The following SORBS2 variants were observed in gnomAD, a reference collection of about 807,000 sequenced individuals.
SORBS2 encodes the protein sorbin and SH3 domain-containing protein 2.
In SORBS2, 46 loss-of-function variants were observed where a neutral mutation model predicts 97.7. That is an observed-to-expected ratio of 0.47 (90% CI 0.37 to 0.60). The LOEUF is 0.60. SORBS2 is among the 20% of genes least tolerant of loss of function. SORBS2 has a pLI of 0.00. For synonymous variants in SORBS2, 476 were observed against 473.4 expected (o/e 1.01, Z -0.07); for missense variants, 1,316 against 1,282.3 (o/e 1.03, Z -0.40).
intron 1 of SORBS2, among the ~76,000 whole-genome samples, chr4:185,897,399 A>G (rs1207825656): frequency 2.0e-5 from 3 of 152,186 alleles, no homozygotes; most frequent in African/African-American, 7.2e-5. Flanking sequence ...TATTCGCATT[A>G]GACCACACCC....
At chr4:185,947,346 AT>A (rs2099275007) in intron 1 of SORBS2, among the ~76,000 whole-genome samples, 1 of 152,090 alleles carries the variant, frequency 6.6e-6, no homozygotes, top group Non-Finnish European at 1.5e-5. Context: ...TGGGCTTTGC[AT>A]TTCTTGATTT....
intron 1 of SORBS2, among the ~76,000 whole-genome samples, chr4:185,848,933 T>A (rs6833975): frequency 1.3e-5 from 2 of 151,930 alleles, no homozygotes; most frequent in African/African-American, 4.8e-5. Context: ...ATATCTCTTG[T>A]AGCCCTTTCA....
In SORBS2 at chr4:185,595,294, A is replaced by T. The variant is rs372359688; in HGVS notation, c.2797-1359T>A. Among the ~76,000 whole-genome samples the T allele has an allele frequency of 1.1e-3, 163 of 152,352 alleles. No individual in the cohort carries two copies. The South Asian group carries it at 0.027, about 25-fold the overall frequency. ...AACTAGAGTGCGTAAGAATTACTGCACACAATTATGACTTAAGAGTGAAAT... is the reference window on the plus strand; with the variant it reads ...AACTAGAGTGCGTAAGAATTACTGCTCACAATTATGACTTAAGAGTGAAAT... On this transcript the variant is annotated intron_variant, in intron 12 of 14. Coordinates refer to ENST00000418609, the Ensembl canonical transcript of SORBS2.
intron 4 of SORBS2, among the ~76,000 whole-genome samples, chr4:185,642,844 G>A (rs929440853): frequency 5.9e-5 from 9 of 152,212 alleles, no homozygotes; most frequent in African/African-American, 2.2e-4. Flanking sequence ...TAATAGCAGT[G>A]TGTCAAACCC....
At chr4:185,875,633 G>A (rs923582149) in intron 1 of SORBS2, among the ~76,000 whole-genome samples, 1 of 152,232 alleles carries the variant, frequency 6.6e-6, no homozygotes, top group Non-Finnish European at 1.5e-5. Flanking sequence ...GATGTGAAGA[G>A]AATAAATATG....
Position 185,702,781 on chromosome 4 carries a change from T to C in SORBS2, c.-197-23959A>G, listed in dbSNP as rs144954576. Among the ~76,000 whole-genome samples, 369 of 152,260 alleles carry C rather than the reference T, an allele frequency of 2.4e-3. 3 individuals are homozygous for C. The highest frequency in any genetic ancestry group is 8.6e-3 in the African/African-American group (356 of 41,546). ...TTTAAAGTTTATAACATGAAAGACT[T>C]GATTTAAAATATAAAAGCACATAAG... is the stretch of plus-strand genomic sequence containing the variant. On this transcript the variant is annotated intron_variant, in intron 2 of 20. Transcript: ENST00000284776.
chr4:185,795,084 A>G (rs1584958807), intron 1 of SORBS2, among the ~76,000 whole-genome samples: 1 of 152,258 alleles, frequency 6.6e-6, no homozygotes, highest in African/African-American at 2.4e-5. Flanking sequence ...GAGCATGTGC[A>G]CCTGACCCTG....
chr4:185,624,776 C>T (rs938053133), intron 6 of SORBS2, among the ~76,000 whole-genome samples: 7 of 152,334 alleles, frequency 4.6e-5, no homozygotes, highest in East Asian at 1.9e-4. Flanking sequence ...TACACCTACT[C>T]CTACTGCATA....
At chr4:185,747,104 G>A (rs1489789377) in intron 2 of SORBS2, among the ~76,000 whole-genome samples, 1 of 152,082 alleles carries the variant, frequency 6.6e-6, no homozygotes, top group African/African-American at 2.4e-5. Context: ...GAGGAAATTT[G>A]GACACACAAA....
intron 1 of SORBS2, among the ~76,000 whole-genome samples, chr4:185,783,698 A>G (rs2153637579): frequency 6.6e-6 from 1 of 152,318 alleles, no homozygotes; most frequent in East Asian, 1.9e-4. Flanking sequence ...ATGAGAGGGA[A>G]TATCCTGCCC....
chr4:185,653,778 T>C (rs1358506941), intron 1 of SORBS2, among the ~76,000 whole-genome samples: 1 of 152,228 alleles, frequency 6.6e-6, no homozygotes, highest in Non-Finnish European at 1.5e-5. Flanking sequence ...GCTTTTATAA[T>C]CGTACTCACA....
intron 2 of SORBS2, among the ~76,000 whole-genome samples, chr4:185,696,305 A>G (rs749249279): frequency 1.7e-4 from 26 of 152,212 alleles, no homozygotes; most frequent in Non-Finnish European, 2.9e-4. Flanking sequence ...CAAAATACTT[A>G]TCAATTTTCC....
At chr4:185,725,096 A>G (rs76796229) in intron 2 of SORBS2, among the ~76,000 whole-genome samples, 10,252 of 152,202 alleles carry the variant, frequency 0.067, 414 homozygotes, top group African/African-American at 0.11. Flanking sequence ...TCTTTTATCA[A>G]TTATGGTAAA....
chr4:185,741,451 T>C (rs986989570), intron 2 of SORBS2, among the ~76,000 whole-genome samples: 1 of 134,976 alleles, frequency 7.4e-6, no homozygotes, highest in Admixed American at 8.4e-5. Flanking sequence ...TCGCCCAGGC[T>C]GAAGTGCAGT....
intron 1 of SORBS2, among the ~76,000 whole-genome samples, chr4:185,859,761 T>C (rs1241137961): frequency 6.6e-6 from 1 of 152,156 alleles, no homozygotes; most frequent in Non-Finnish European, 1.5e-5. Flanking sequence ...CTATAAAAGA[T>C]GGTGAATAAA....
intron 1 of SORBS2, among the ~76,000 whole-genome samples, chr4:185,875,628 GA>G (rs2099233151): frequency 6.6e-6 from 1 of 152,232 alleles, no homozygotes; most frequent in South Asian, 2.1e-4. Context: ...ACGCAGATGT[GA>G]AGAGAATAAA....
At chr4:185,632,343 T>C (rs2096921785) in intron 4 of SORBS2, among the ~76,000 whole-genome samples, 1 of 152,204 alleles carries the variant, frequency 6.6e-6, no homozygotes, top group Non-Finnish European at 1.5e-5. Flanking sequence ...ATATTTTTAG[T>C]TCCTAGAAAA....
chr4:185,940,156 C>A (rs1303992735), intron 1 of SORBS2, among the ~76,000 whole-genome samples: 1 of 152,154 alleles, frequency 6.6e-6, no homozygotes, highest in Non-Finnish European at 1.5e-5. Flanking sequence ...CCTCCTCTCT[C>A]CTTTGGTGAT....
chr4:185,623,730 G>C lies in SORBS2; in HGVS notation c.1399C>G (p.Pro467Ala). 2 of 1,614,036 alleles carry C rather than the reference G, an allele frequency of 1.2e-6. No homozygotes were observed. Among genetic ancestry groups the C allele is most frequent in the Non-Finnish European group, 1.7e-6 (2 of 1,180,028 alleles). ...CAGCCTCGCCGGCCCCGAGCGGGGG[G>C]GCCGCTTTGATTTTCTTCCTCCAGC... The change falls in exon 7 of 15, where the codon CCC (proline) becomes GCC (alanine). Residue 467 changes from proline to alanine, a missense_variant. Transcript: ENST00000418609. The surrounding 1 kb of genome is among the most constrained non-coding windows in gnomAD (Gnocchi z 6.4).
Sources: gnomAD v4.1 joint callset for allele counts (sites outside exome capture counted in the v4.1 genomes callset) on GRCh38, gnomAD v4.1.1 for gene constraint, Gnocchi (gnomAD v3.1) non-coding constraint, MANE v1.5 for transcripts, NCBI Gene and HGNC (gene_info 2026-07-23, HGNC 2026-07-21) for gene names.